Variants in ARL15 observed in about 807,000 individuals in gnomAD.
ARL15 encodes ARF like GTPase 15.
Under a neutral mutation model 25.2 loss-of-function variants are expected in ARL15, and 19 were observed. That is an observed-to-expected ratio of 0.75 (90% CI 0.53 to 1.10). ARL15 has a LOEUF of 1.10. Among genes scored for constraint, ARL15 ranks in the 50% least tolerant of loss-of-function variants. ARL15 has a pLI of 0.00. For synonymous variants in ARL15, 94 were observed against 86.8 expected (o/e 1.08, Z -0.46); for missense variants, 220 against 246.0 (o/e 0.89, Z 0.71).
intron 1 of ARL15, among the ~76,000 whole-genome samples, chr5:54,231,727 C>A (rs1756677000): frequency 6.6e-6 from 1 of 152,132 alleles, no homozygotes; most frequent in African/African-American, 2.4e-5. Context: ...GCTAGCAAAC[C>A]ATTACTTTGT....
intron 4 of ARL15, among the ~76,000 whole-genome samples, chr5:54,087,536 T>A (rs1752006605): frequency 6.6e-6 from 1 of 152,144 alleles, no homozygotes; most frequent in Non-Finnish European, 1.5e-5. Flanking sequence ...ACCTCTGGTT[T>A]GGATAGCTAA....
chr5:54,271,896 T>A (rs996038396), intron 1 of ARL15, among the ~76,000 whole-genome samples: 7 of 151,244 alleles, frequency 4.6e-5, no homozygotes, highest in Non-Finnish European at 8.8e-5. Context: ...ATCTATTGGC[T>A]GTGCTTAACA....
chr5:54,283,884 G>A (rs1010685329), intron 1 of ARL15, among the ~76,000 whole-genome samples: 6 of 152,288 alleles, frequency 3.9e-5, no homozygotes, highest in African/African-American at 1.4e-4. Flanking sequence ...AACTGACTCT[G>A]AGAAGAGCCC....
At chr5:54,012,816 G>A (rs890772680) in intron 4 of ARL15, among the ~76,000 whole-genome samples, 21 of 142,046 alleles carry the variant, frequency 1.5e-4, no homozygotes, top group African/African-American at 5.6e-4. Context: ...GAGCCACCAC[G>A]CTGGACTCTT....
At chr5:54,230,012 T>C (rs1756623609) in intron 1 of ARL15, among the ~76,000 whole-genome samples, 1 of 152,186 alleles carries the variant, frequency 6.6e-6, no homozygotes, top group Non-Finnish European at 1.5e-5. Flanking sequence ...CATGGCTTCC[T>C]ACAGGCATTC....
chr5:54,240,012 G>A (rs1426694575), intron 1 of ARL15, among the ~76,000 whole-genome samples: 5 of 152,092 alleles, frequency 3.3e-5, no homozygotes, highest in Non-Finnish European at 5.9e-5. Context: ...CGGATCACGA[G>A]GTCAGGAGAT....
intron 1 of ARL15, among the ~76,000 whole-genome samples, chr5:54,224,161 G>A (rs1490596404): frequency 3.3e-5 from 5 of 152,142 alleles, no homozygotes; most frequent in Non-Finnish European, 5.9e-5. Context: ...CAAGGAGGCC[G>A]GGGTAACCGT....
intron 4 of ARL15, among the ~76,000 whole-genome samples, chr5:54,004,884 C>T (rs1748972767): frequency 6.6e-6 from 1 of 151,992 alleles, no homozygotes; most frequent in Non-Finnish European, 1.5e-5. Context: ...TGTTGAGGGC[C>T]TACAATGTGC....
intron 4 of ARL15, among the ~76,000 whole-genome samples, chr5:54,078,546 G>A (rs1266035420): frequency 6.6e-6 from 1 of 152,142 alleles, no homozygotes; most frequent in African/African-American, 2.4e-5. Context: ...AGTTTTAAAA[G>A]CATTGGCCCA....
chr5:54,045,462 G>A (rs768023335), intron 4 of ARL15, among the ~76,000 whole-genome samples: 2 of 152,126 alleles, frequency 1.3e-5, no homozygotes, highest in Non-Finnish European at 2.9e-5. Flanking sequence ...ATGTTAAAGT[G>A]TGACTAGATG....
chr5:54,002,785 G>A (rs1467300350), intron 4 of ARL15, among the ~76,000 whole-genome samples: 2 of 152,096 alleles, frequency 1.3e-5, no homozygotes, highest in South Asian at 2.1e-4. Flanking sequence ...TGTATCACAG[G>A]TCTCTTCTTG....
At chr5:54,087,048 TCA>T (rs1751981236) in intron 4 of ARL15, among the ~76,000 whole-genome samples, 1 of 152,092 alleles carries the variant, frequency 6.6e-6, no homozygotes, top group African/African-American at 2.4e-5. Context: ...GTTTAAGAAC[TCA>T]GAGTCACTGG....
At chr5:54,111,737 A>G (rs1752748937) in intron 4 of ARL15, among the ~76,000 whole-genome samples, 1 of 152,138 alleles carries the variant, frequency 6.6e-6, no homozygotes, top group Non-Finnish European at 1.5e-5. Flanking sequence ...AGTAGTGTAC[A>G]CATACATATT....
At chr5:54,157,540 T>A (rs972412000) in intron 2 of ARL15, among the ~76,000 whole-genome samples, 1 of 152,042 alleles carries the variant, frequency 6.6e-6, no homozygotes, top group African/African-American at 2.4e-5. Flanking sequence ...GCCTCCTGAG[T>A]AGCCGGGACT....
At chr5:54,051,185 T>G (rs932429661) in intron 4 of ARL15, among the ~76,000 whole-genome samples, 1 of 152,222 alleles carries the variant, frequency 6.6e-6, no homozygotes, top group African/African-American at 2.4e-5. Flanking sequence ...CAGCACTTGC[T>G]TGATCTTTAG....
chr5:54,223,544 G>T (rs1487953359), intron 1 of ARL15, among the ~76,000 whole-genome samples: 1 of 151,962 alleles, frequency 6.6e-6, no homozygotes, highest in Non-Finnish European at 1.5e-5. Context: ...TGGCCCACTA[G>T]GCATAAACTT....
At chr5:53,961,521 T>G (rs77787926) in intron 4 of ARL15, among the ~76,000 whole-genome samples, 1 of 123,138 alleles carries the variant, frequency 8.1e-6, no homozygotes, top group African/African-American at 3.0e-5. Context: ...AAAAAAAAAA[T>G]CATTCCCATT....
At chr5:54,038,710 G>A (rs1750244034) in intron 4 of ARL15, among the ~76,000 whole-genome samples, 1 of 150,658 alleles carries the variant, frequency 6.6e-6, no homozygotes. Flanking sequence ...AAAACAGACT[G>A]GTCTTATTTG....
chr5:54,211,493 A>C (rs1261205808), intron 1 of ARL15, among the ~76,000 whole-genome samples: 1 of 118,378 alleles, frequency 8.4e-6, no homozygotes, highest in African/African-American at 3.2e-5. Context: ...TTTTTGAGAC[A>C]GAGTTTCACT....
Sources: gnomAD v4.1 joint callset for allele counts (sites outside exome capture counted in the v4.1 genomes callset) on GRCh38, gnomAD v4.1.1 for gene constraint, MANE v1.5 for transcripts, NCBI Gene and HGNC (gene_info 2026-07-23, HGNC 2026-07-21) for gene names.